Variants in COL4A3 observed in about 807,000 individuals in gnomAD.
COL4A3 encodes the protein collagen type IV alpha 3 chain.
COL4A3 carries 135 observed loss-of-function variants against 217.4 expected under a neutral mutation model. The observed-to-expected ratio is 0.62, with a 90% CI of 0.54 to 0.72. The LOEUF (loss-of-function observed/expected upper bound fraction) is 0.72. Ranked by LOEUF, COL4A3 falls within the 30% of genes least tolerant of loss-of-function variation. COL4A3 has a pLI of 0.00. For missense variants in COL4A3, 1,868 were observed against 2,119.9 expected, an observed-to-expected ratio of 0.88 and a Z score of 2.33; for synonymous variants, 690 against 736.3, an observed-to-expected ratio of 0.94 and a Z score of 1.02.
At chr2:227,270,673 G>A (rs2071180748) in intron 24 of COL4A3, 97 bp from the exon 25 acceptor site, 2 of 1,237,272 alleles carry the variant, frequency 1.6e-6, no homozygotes, top group Non-Finnish European at 2.3e-6. Flanking sequence ...AAAAATTCAT[G>A]TTAAAATTGA....
rs534895890 is a variant in COL4A3, at chr2:227,211,039, C to T, written c.88-26929C>T. Among the ~76,000 whole-genome samples, 11 of 152,194 alleles carry T rather than the reference C, an allele frequency of 7.2e-5. No individual in the cohort carries two copies. The South Asian group carries it at 1.0e-3, about 14-fold the overall frequency. On this transcript the variant is annotated intron_variant, in intron 1 of 51. Transcript: ENST00000396578. ...TGTTTGAGACAGAGTCTCACTCTGT[C>T]GCCCAGGCTGGAGTGCAGTGGTGCA...
chr2:227,284,131 T>C (rs1197805128), intron 33 of COL4A3, 80 bp from the exon 34 acceptor site: 3 of 1,572,188 alleles, frequency 1.9e-6, no homozygotes, highest in African/African-American at 2.7e-5. Context: ...TTCTGTTTTA[T>C]AGTAAGCACT....
At position 227,280,602 on chromosome 2, in the gene COL4A3, A is replaced by G; in HGVS notation, c.2374+12A>G. The G allele has an allele frequency of 6.8e-6, 11 of 1,613,906 alleles. No individual in the cohort carries two copies. Among genetic ancestry groups the G allele is most frequent in the Non-Finnish European group, 9.3e-6 (11 of 1,179,848 alleles). ...TGATGGACCACGAGGTACAATAGCA[A>G]GTGTCATTACTTTTCTCCACTGTGA... On this transcript the variant is annotated intron_variant, in intron 30 of 51. Transcript: ENST00000396578.
intron 20 of COL4A3, 33 bp from the exon 21 acceptor site, chr2:227,263,747 T>G: frequency 6.3e-7 from 1 of 1,596,328 alleles, no homozygotes; most frequent in South Asian, 1.1e-5. Flanking sequence ...CAGGAAAAAA[T>G]GTAAAATACA....
chr2:227,283,910 A>G (rs1296565421), intron 33 of COL4A3, 54 bp downstream of exon 33: 4 of 1,461,260 alleles, frequency 2.7e-6, no homozygotes, highest in Non-Finnish European at 3.8e-6. Flanking sequence ...ATGTTCATTT[A>G]TTTTGCAGCA....
At chr2:227,254,932 C>T (rs2070059421) in intron 15 of COL4A3, among the ~76,000 whole-genome samples, 1 of 152,180 alleles carries the variant, frequency 6.6e-6, no homozygotes, top group Admixed American at 6.5e-5. Context: ...AAGGGCAGGA[C>T]TCCCTCTCCA....
At chr2:227,297,650 C>G in intron 41 of COL4A3, 24 bp from the exon 42 acceptor site, 2 of 1,594,528 alleles carry the variant, frequency 1.3e-6, no homozygotes, top group Non-Finnish European at 8.5e-7. Flanking sequence ...ATTAAAGAAA[C>G]TTATTAAGCC....
chr2:227,209,300 G>C (rs1183976854), intron 1 of COL4A3, among the ~76,000 whole-genome samples: 1 of 152,186 alleles, frequency 6.6e-6, no homozygotes, highest in Non-Finnish European at 1.5e-5. Flanking sequence ...GGACCATCTA[G>C]AACATCCCTT....
Position 227,203,439 on chromosome 2 carries a change from A to G in COL4A3, c.88-34529A>G, listed in dbSNP as rs111214768. 7.4e-5 allele frequency among the ~76,000 whole-genome samples: 5 copies of G among 67,400 alleles called. 2 individuals carry two copies. Among genetic ancestry groups the G allele is most frequent in the African/African-American group, 2.8e-4 (4 of 14,478 alleles). 44.2% of individuals were successfully genotyped at this position (67,400 alleles called of 152,430 possible). A position where few individuals can be genotyped will look rare whatever the true frequency, so the allele number is the denominator to read the frequency against. ...TGTGTATACATACATATATGTGTGT[A>G]TATGTGTATACATACATATATGTGT... On this transcript the variant is annotated intron_variant, in intron 1 of 51. Coordinates refer to ENST00000396578, the MANE Select transcript of COL4A3 (RefSeq NM_000091.5).
chr2:227,256,597 A>C (rs771276053), intron 17 of COL4A3: 1 of 745,564 alleles, frequency 1.3e-6, no homozygotes, highest in Non-Finnish European at 2.5e-6. Context: ...AAAGGTATTA[A>C]ACTTGTACTG....
intron 1 of COL4A3, among the ~76,000 whole-genome samples, chr2:227,174,570 A>T (rs1205257885): frequency 6.6e-6 from 1 of 151,998 alleles, no homozygotes; most frequent in Non-Finnish European, 1.5e-5. Flanking sequence ...GCAGTGGCGC[A>T]ATCTCGGCTC....
rs2066811955 is a variant in COL4A3 at position 227,202,966 on chromosome 2, T to C, written c.88-35002T>C. On this transcript the variant is annotated intron_variant, in intron 1 of 51. Coordinates refer to ENST00000396578, the MANE Select transcript of COL4A3 (RefSeq NM_000091.5). ...ATGTGTATATATACATATATGTGTA[T>C]ATATGTGTATATATACATATGTGTA... is the stretch of plus-strand genomic sequence containing the variant. Among the ~76,000 whole-genome samples, 5 of 37,082 alleles carry C rather than the reference T, an allele frequency of 1.3e-4. 1 individual carries two copies. Among genetic ancestry groups the C allele is most frequent in the Admixed American group, 6.7e-4 (2 of 2,972 alleles). 24.3% of individuals were successfully genotyped at this position (37,082 alleles called of 152,430 possible).
At chr2:227,226,292 A>G (rs1230644613) in intron 1 of COL4A3, among the ~76,000 whole-genome samples, 2 of 152,262 alleles carry the variant, frequency 1.3e-5, no homozygotes, top group African/African-American at 4.8e-5. Flanking sequence ...CCAGTCCCCA[A>G]ATTGTATTCC....
chr2:227,208,313 C>T (rs546126333), intron 1 of COL4A3, among the ~76,000 whole-genome samples: 39 of 152,264 alleles, frequency 2.6e-4, no homozygotes, highest in African/African-American at 7.9e-4. Flanking sequence ...CAGGGTCATG[C>T]GGCTTCTGGC....
At chr2:227,293,495 T>C (rs2072877539) in intron 38 of COL4A3, among the ~76,000 whole-genome samples, 178 bp downstream of exon 38, 1 of 152,224 alleles carries the variant, frequency 6.6e-6, no homozygotes, top group Non-Finnish European at 1.5e-5. Flanking sequence ...CCAATTTTAC[T>C]AATCAGCCCA....
intron 34 of COL4A3, among the ~76,000 whole-genome samples, chr2:227,286,752 T>G (rs374580971): frequency 6.6e-6 from 1 of 152,220 alleles, no homozygotes; most frequent in South Asian, 2.1e-4. Flanking sequence ...AAGATTCAGA[T>G]GAACAAATAA....
chr2:227,208,437 C>T (rs1256476443), intron 1 of COL4A3, among the ~76,000 whole-genome samples: 1 of 152,026 alleles, frequency 6.6e-6, no homozygotes, highest in Non-Finnish European at 1.5e-5. Flanking sequence ...TCAGCTAACC[C>T]CACCCAGACC....
intron 1 of COL4A3, among the ~76,000 whole-genome samples, chr2:227,196,261 C>T (rs1339008820): frequency 6.6e-6 from 1 of 152,028 alleles, no homozygotes; most frequent in East Asian, 1.9e-4. Context: ...CCCATAGCAA[C>T]TTCCAGTCCT....
chr2:227,311,838 C>A lies in COL4A3; in HGVS notation c.4981C>A (p.Arg1661Ser). 1.2e-6 allele frequency: 2 copies of A among 1,613,914 alleles called. No individual in the cohort carries two copies. Among genetic ancestry groups the A allele is most frequent in the South Asian group, 1.1e-5 (1 of 91,030 alleles). ...KAGELEKIISRCQVCMKKRH is the reference protein window; with the variant it reads ...KAGELEKIISSCQVCMKKRH The stretch of plus-strand genomic sequence containing the variant: ...TGGGGAATTAGAAAAAATAATAAGT[C>A]GCTGTCAGGTGTGCATGAAGAAAAG... Residue 1661 changes from arginine (R) to serine (S), a missense_variant, in exon 52 of 52, where the codon CGC becomes AGC. Arg to Ser is a moderately radical substitution (Grantham distance 110). Around this residue, in one of 2 missense-constraint regions of COL4A3, gnomAD observed 1,503 missense variants for 1,786.1 expected, o/e 0.84. Transcript: ENST00000396578.
Sources: allele counts gnomAD v4.1 joint callset (sites outside exome capture counted in the v4.1 genomes callset), GRCh38; gene constraint gnomAD v4.1.1; regional missense constraint gnomAD v4.1.1; transcripts MANE v1.5; gene names NCBI Gene and HGNC (gene_info 2026-07-23, HGNC 2026-07-21).